Variants in HS3ST5 observed in about 807,000 individuals in gnomAD.
HS3ST5 encodes the protein heparan sulfate glucosamine 3-O-sulfotransferase 5.
A neutral mutation model predicts 25.4 loss-of-function variants in HS3ST5; 10 were observed. That is an observed-to-expected ratio of 0.39 (90% CI 0.24 to 0.67). The LOEUF is 0.67. Ranked by LOEUF, HS3ST5 falls within the 30% of genes least tolerant of loss-of-function variation. The pLI is 0.44. For missense variants in HS3ST5, 324 were observed against 420.7 expected (o/e 0.77, Z 2.01); for synonymous variants, 170 against 162.4 (o/e 1.05, Z -0.36).
At chr6:114,177,834 T>A (rs967799790) in intron 2 of HS3ST5, among the ~76,000 whole-genome samples, 2 of 152,200 alleles carry the variant, frequency 1.3e-5, no homozygotes, top group African/African-American at 4.8e-5. Flanking sequence ...ATGATCCATA[T>A]AGTAAACCTA....
chr6:114,171,368 T>C (rs1256865224), intron 2 of HS3ST5, among the ~76,000 whole-genome samples: 1 of 152,166 alleles, frequency 6.6e-6, no homozygotes, highest in Non-Finnish European at 1.5e-5. Context: ...TGGGTAGTGA[T>C]GTACAACAAT....
chr6:114,195,697 G>A (rs893171080), intron 2 of HS3ST5, among the ~76,000 whole-genome samples: 3 of 152,142 alleles, frequency 2.0e-5, no homozygotes, highest in Admixed American at 6.6e-5. Context: ...GAATTTATAG[G>A]TGTATGTCCT....
chr6:114,206,896 G>C (rs186754544), intron 2 of HS3ST5, among the ~76,000 whole-genome samples: 1 of 152,312 alleles, frequency 6.6e-6, no homozygotes, highest in Admixed American at 6.5e-5. Flanking sequence ...TGAGAAGGTT[G>C]TGGCAGGGAA....
intron 1 of HS3ST5, among the ~76,000 whole-genome samples, 155 bp downstream of exon 1, chr6:114,342,040 A>G (rs751295481): frequency 3.2e-4 from 48 of 152,172 alleles, no homozygotes; most frequent in Non-Finnish European, 6.5e-4. Context: ...AGTCTTCCCC[A>G]GGCAGCGCCC....
At chr6:114,082,835 G>A (rs184326838) in intron 3 of HS3ST5, among the ~76,000 whole-genome samples, 9 of 152,098 alleles carry the variant, frequency 5.9e-5, no homozygotes, top group Non-Finnish European at 1.0e-4. Context: ...TACTCACCCC[G>A]TCATTCTCTT....
intron 3 of HS3ST5, among the ~76,000 whole-genome samples, chr6:114,111,369 G>A (rs553373762): frequency 6.6e-6 from 1 of 152,284 alleles, no homozygotes; most frequent in Non-Finnish European, 1.5e-5. Context: ...AATGCTAAAT[G>A]TTCCCTAGGT....
chr6:114,198,783 G>A (rs1780878075), intron 2 of HS3ST5, among the ~76,000 whole-genome samples: 2 of 152,072 alleles, frequency 1.3e-5, no homozygotes, highest in South Asian at 4.1e-4. Context: ...GGAAATATCT[G>A]CTACTTAGTA....
At position 114,058,046 on chromosome 6, in the gene HS3ST5, A is replaced by G. The variant is rs1465516692; in HGVS notation, c.252T>C (p.His84=). The G allele has an allele frequency of 1.9e-6, 3 of 1,614,180 alleles. No homozygotes were observed. The highest frequency in any genetic ancestry group is 1.1e-5 in the South Asian group (1 of 91,088). ...GNASKEQVRL[H]DLVQQLPKAI... ...CCTTGGGGAGCTGCTGGACCAGGTCATGGAGGCGAACCTGCTCCTTGGAAG... is the reference window on the plus strand; with the variant it reads ...CCTTGGGGAGCTGCTGGACCAGGTCGTGGAGGCGAACCTGCTCCTTGGAAG... The change falls in exon 5 of 5, where the codon CAT becomes CAC. Residue 84 remains histidine, a synonymous_variant. Transcript: ENST00000312719.
chr6:114,341,795 TCCACAGCCA>T (rs1161260683), intron 1 of HS3ST5, among the ~76,000 whole-genome samples: 2 of 151,870 alleles, frequency 1.3e-5, no homozygotes, highest in Non-Finnish European at 2.9e-5. Context: ...TCCAAACAGC[TCCACAGCCA>T]CCCCAGAAGT....
chr6:114,281,831 T>G (rs1014666520), intron 1 of HS3ST5: 2 of 151,940 alleles, frequency 1.3e-5, no homozygotes, highest in Non-Finnish European at 2.9e-5. Flanking sequence ...AAAACACGCA[T>G]GACAATTAAC....
chr6:114,167,966 A>G (rs1458421832), intron 3 of HS3ST5, among the ~76,000 whole-genome samples: 1 of 152,116 alleles, frequency 6.6e-6, no homozygotes, highest in African/African-American at 2.4e-5. Context: ...TATTTCAGAT[A>G]ATAGGAACAG....
chr6:114,061,502 C>CT (rs1219346360), intron 4 of HS3ST5, among the ~76,000 whole-genome samples: 1 of 152,128 alleles, frequency 6.6e-6, no homozygotes, highest in African/African-American at 2.4e-5. Flanking sequence ...TCTAAATAAT[C>CT]TAAGTGATAA....
At chr6:114,235,348 G>A (rs1771805120) in intron 1 of HS3ST5, among the ~76,000 whole-genome samples, 2 of 150,998 alleles carry the variant, frequency 1.3e-5, no homozygotes, top group South Asian at 2.1e-4. Context: ...ATTTCCCAAG[G>A]AAACAAAAGA....
intron 3 of HS3ST5, among the ~76,000 whole-genome samples, chr6:114,073,174 A>AGGTTTTTT (rs1773925952): frequency 6.6e-6 from 1 of 152,218 alleles, no homozygotes; most frequent in South Asian, 2.1e-4. Context: ...GTAAGACCTA[A>AGGTTTTTT]AACCATAAAA....
chr6:114,304,085 AC>A (rs1266564517), intron 1 of HS3ST5, among the ~76,000 whole-genome samples: 2 of 152,090 alleles, frequency 1.3e-5, no homozygotes, highest in African/African-American at 4.8e-5. Flanking sequence ...TGGGAGAAAT[AC>A]AAGATGTCAG....
intron 2 of HS3ST5, among the ~76,000 whole-genome samples, chr6:114,221,137 A>T (rs570111175): frequency 1.3e-5 from 2 of 152,108 alleles, no homozygotes; most frequent in Non-Finnish European, 2.9e-5. Context: ...CACCTGTCAA[A>T]CAAAGGCAGT....
chr6:114,310,013 GA>G (rs1775462682), intron 1 of HS3ST5, among the ~76,000 whole-genome samples: 1 of 152,138 alleles, frequency 6.6e-6, no homozygotes, highest in Non-Finnish European at 1.5e-5. Flanking sequence ...AATGTGCAGA[GA>G]AAAAGACCTA....
chr6:114,317,101 T>G (rs963663221), intron 1 of HS3ST5, among the ~76,000 whole-genome samples: 1 of 152,242 alleles, frequency 6.6e-6, no homozygotes, highest in Non-Finnish European at 1.5e-5. Flanking sequence ...CAATTATCAG[T>G]GAGGAAACTT....
intron 2 of HS3ST5, among the ~76,000 whole-genome samples, chr6:114,177,648 T>C (rs1251342093): frequency 6.6e-6 from 1 of 152,250 alleles, no homozygotes. Flanking sequence ...GAAATCCATT[T>C]CTGGAATTTA....
Sources: gnomAD v4.1 joint callset for allele counts (sites outside exome capture counted in the v4.1 genomes callset) on GRCh38, gnomAD v4.1.1 for gene constraint, MANE v1.5 for transcripts, NCBI Gene and HGNC (gene_info 2026-07-23, HGNC 2026-07-21) for gene names.